DENND2A: variants seen among roughly 807,000 people sequenced by gnomAD.
The protein encoded by DENND2A is DENN domain-containing protein 2A.
DENND2A carries 53 observed loss-of-function variants against 105.3 expected under a neutral mutation model. The observed-to-expected ratio is 0.50, with a 90% CI of 0.40 to 0.63. The LOEUF is 0.63. Ranked by LOEUF, DENND2A falls within the 30% of genes least tolerant of loss-of-function variation. DENND2A has a pLI of 0.00. For synonymous variants in DENND2A, 522 were observed against 508.4 expected, an observed-to-expected ratio of 1.03 and a Z score of -0.36; for missense variants, 1,138 against 1,279.6, an observed-to-expected ratio of 0.89 and a Z score of 1.69.
chr7:140,640,533 T>C lies in DENND2A; in HGVS notation c.-277A>G, dbSNP rs994263383. On this transcript the variant is annotated 5_prime_UTR_variant, in exon 1 of 20. Coordinates refer to ENST00000496613, the MANE Select transcript of DENND2A (RefSeq NM_015689.5). The surrounding 1 kb of genome is among the most constrained non-coding windows in gnomAD (Gnocchi z 4.9). ...CCGCGGGCGGCGGCTCCGCGGGCTC[T>C]GGGGCGCATCTTGGGGGCTCCGGGG... is the stretch of plus-strand genomic sequence containing the variant. The C allele has an allele frequency of 6.7e-6, 1 of 149,698 alleles. No homozygotes were observed. The highest frequency in any genetic ancestry group is 1.5e-5 in the Non-Finnish European group (1 of 67,302). 9.3% of individuals were successfully genotyped at this position (149,698 alleles called of 1,614,324 possible).
intron 12 of DENND2A, among the ~76,000 whole-genome samples, chr7:140,547,310 A>G (rs1796948971): frequency 6.6e-6 from 1 of 152,192 alleles, no homozygotes; most frequent in South Asian, 2.1e-4. Context: ...CTTAGATATT[A>G]CAGTGGTTTG....
rs145434531 is a variant in DENND2A, at chr7:140,535,410, G to C, written c.2328-7915C>G. 5.4e-3 allele frequency among the ~76,000 whole-genome samples: 818 copies of C among 152,136 alleles called. 5 individuals carry two copies. The highest frequency in any genetic ancestry group is 8.5e-3 in the Non-Finnish European group (575 of 67,994). On this transcript the variant is annotated intron_variant, in intron 14 of 19. Coordinates refer to ENST00000496613, the MANE Select transcript of DENND2A (RefSeq NM_015689.5). ...CCCTGAGGCCGTGTGCCACACAGTT[G>C]AAAACGAACACAGGCTGGGCTTCAA...
intron 14 of DENND2A, chr7:140,544,395 AT>A: frequency 1.6e-6 from 1 of 615,036 alleles, no homozygotes; most frequent in South Asian, 1.9e-5. Context: ...GAGTTTCACC[AT>A]GTTGCACAGG....
At chr7:140,620,247 A>T (rs1250668160) in intron 1 of DENND2A, among the ~76,000 whole-genome samples, 1 of 151,182 alleles carries the variant, frequency 6.6e-6, no homozygotes, top group Non-Finnish European at 1.5e-5. Flanking sequence ...AAAAAAGAAG[A>T]CTATTATTAA....
intron 1 of DENND2A, among the ~76,000 whole-genome samples, chr7:140,611,258 A>G (rs1799887986): frequency 6.6e-6 from 1 of 152,176 alleles, no homozygotes; most frequent in African/African-American, 2.4e-5. Flanking sequence ...TGGGCTGGGT[A>G]CAGTGGCCCA....
chr7:140,595,743 G>T (rs1799257477), intron 3 of DENND2A, among the ~76,000 whole-genome samples: 1 of 152,022 alleles, frequency 6.6e-6, no homozygotes, highest in African/African-American at 2.4e-5. Flanking sequence ...ACTCCGGCCT[G>T]GGAGACAGAG....
chr7:140,528,468 T>C (rs1563118944), intron 14 of DENND2A, among the ~76,000 whole-genome samples: 1 of 152,116 alleles, frequency 6.6e-6, no homozygotes, highest in Non-Finnish European at 1.5e-5. Flanking sequence ...AAAGATGATA[T>C]GCTAGAGATG....
intron 14 of DENND2A, among the ~76,000 whole-genome samples, chr7:140,529,224 C>T (rs751780107): frequency 6.6e-6 from 1 of 151,642 alleles, no homozygotes; most frequent in African/African-American, 2.4e-5. Flanking sequence ...TTTGGGAGGC[C>T]GAGGTGAGTG....
Position 140,594,640 on chromosome 7 carries a change from C to T in DENND2A, c.995+6763G>A, listed in dbSNP as rs143759742. Among the ~76,000 whole-genome samples the T allele has an allele frequency of 4.6e-3, 699 of 152,356 alleles. 8 individuals are homozygous for T. The highest frequency in any genetic ancestry group is 0.014 in the Middle Eastern group (4 of 294). On this transcript the variant is annotated intron_variant, in intron 3 of 19. Coordinates refer to ENST00000496613, the MANE Select transcript of DENND2A (RefSeq NM_015689.5). The stretch of plus-strand genomic sequence containing the variant: ...AATCCCGTGAGGACAGAGTCTCCGT[C>T]TATCTCGCTCATTATTACATTCCTA...
At chr7:140,594,274 GGT>G (rs1799191294) in intron 3 of DENND2A, among the ~76,000 whole-genome samples, 1 of 152,018 alleles carries the variant, frequency 6.6e-6, no homozygotes, top group South Asian at 2.1e-4. Context: ...ATTGCCCTTA[GGT>G]AATAGGCCCA....
intron 11 of DENND2A, among the ~76,000 whole-genome samples, chr7:140,556,307 C>T (rs941674648): frequency 6.6e-6 from 1 of 151,954 alleles, no homozygotes; most frequent in African/African-American, 2.4e-5. Context: ...AGAGCCACTG[C>T]ACCCTGCCCA....
intron 1 of DENND2A, among the ~76,000 whole-genome samples, chr7:140,625,761 T>C (rs536062270): frequency 4.3e-4 from 65 of 152,322 alleles, no homozygotes; most frequent in African/African-American, 1.4e-3. Context: ...TGAATGCTTT[T>C]TCTTCTTTTA....
chr7:140,555,278 C>T (rs1015885951), intron 12 of DENND2A, among the ~76,000 whole-genome samples: 2 of 152,078 alleles, frequency 1.3e-5, no homozygotes, highest in African/African-American at 2.4e-5. Flanking sequence ...GGGTTACAGG[C>T]GCCCGCCACC....
At chr7:140,616,902 G>T (rs894499419) in intron 1 of DENND2A, among the ~76,000 whole-genome samples, 1 of 152,192 alleles carries the variant, frequency 6.6e-6, no homozygotes. Flanking sequence ...CTGTCACCCA[G>T]GCTGGAGTGC....
At chr7:140,599,615 T>C (rs148200832) in intron 3 of DENND2A, among the ~76,000 whole-genome samples, 35 of 152,092 alleles carry the variant, frequency 2.3e-4, no homozygotes, top group Middle Eastern at 3.4e-3. Flanking sequence ...AGCTAGTAAG[T>C]AGCAAAACTA....
chr7:140,589,537 C>A (rs2130654700), intron 3 of DENND2A, among the ~76,000 whole-genome samples: 1 of 152,342 alleles, frequency 6.6e-6, no homozygotes, highest in South Asian at 2.1e-4. Context: ...AAAGCCTTGA[C>A]TGCCTAGAAT....
intron 14 of DENND2A, among the ~76,000 whole-genome samples, chr7:140,529,570 A>T: frequency 6.6e-6 from 1 of 152,184 alleles, no homozygotes; most frequent in East Asian, 1.9e-4. Flanking sequence ...GATAGACTGG[A>T]TTAAGAAAAT....
At chr7:140,557,369 C>A (rs1196763482) in intron 11 of DENND2A, among the ~76,000 whole-genome samples, 4 of 151,054 alleles carry the variant, frequency 2.6e-5, no homozygotes, top group Admixed American at 6.6e-5. Context: ...CCACTGCACT[C>A]CAGCCCAGGC....
At chr7:140,530,050 C>A (rs1796205792) in intron 14 of DENND2A, among the ~76,000 whole-genome samples, 1 of 145,866 alleles carries the variant, frequency 6.9e-6, no homozygotes, top group African/African-American at 2.7e-5. Context: ...ATGGTGGGGC[C>A]CTGTTTCTCA....
Sources: allele counts gnomAD v4.1 joint callset (sites outside exome capture counted in the v4.1 genomes callset), GRCh38; gene constraint gnomAD v4.1.1; non-coding constraint Gnocchi (gnomAD v3.1); transcripts MANE v1.5; gene names NCBI Gene and HGNC (gene_info 2026-07-23, HGNC 2026-07-21).